Variants in CARM1 observed in about 807,000 individuals in gnomAD.
CARM1 encodes the protein histone-arginine methyltransferase CARM1.
In CARM1, 14 loss-of-function variants were observed where a neutral mutation model predicts 72.7. The observed-to-expected ratio is 0.19, with a 90% confidence interval of 0.13 to 0.30. The LOEUF (loss-of-function observed/expected upper bound fraction) is 0.30, where lower values mean the gene tolerates loss of function less well. Among genes scored for constraint, CARM1 ranks in the 10% least tolerant of loss-of-function variants. The pLI, the probability that CARM1 is intolerant of heterozygous loss-of-function variation, is 1.00. For missense variants in CARM1, 432 were observed against 833.7 expected (o/e 0.52, Z 5.93); for synonymous variants, 333 against 345.5 (o/e 0.96, Z 0.40).
At chr19:10,902,007 G>A (rs1035441017) in intron 1 of CARM1, among the ~76,000 whole-genome samples, 1 of 152,064 alleles carries the variant, frequency 6.6e-6, no homozygotes, top group Non-Finnish European at 1.5e-5. Flanking sequence ...ACTTTGGGAC[G>A]CCGAGGCAGA....
chr19:10,886,197 C>T (rs983021835), intron 1 of CARM1, among the ~76,000 whole-genome samples: 1 of 152,080 alleles, frequency 6.6e-6, no homozygotes, highest in South Asian at 2.1e-4. Flanking sequence ...GCTGGGATTA[C>T]GGGCATGCGC....
chr19:10,899,170 C>T (rs918562940), intron 1 of CARM1, among the ~76,000 whole-genome samples: 4 of 151,684 alleles, frequency 2.6e-5, no homozygotes, highest in Non-Finnish European at 5.9e-5. Flanking sequence ...TGTGATGAAG[C>T]GATCCACTTG....
chr19:10,894,548 T>C (rs770532280), intron 1 of CARM1, among the ~76,000 whole-genome samples: 4 of 152,140 alleles, frequency 2.6e-5, no homozygotes, highest in Non-Finnish European at 5.9e-5. Context: ...CAACGGCTTC[T>C]ACAGCTACCA....
intron 1 of CARM1, among the ~76,000 whole-genome samples, chr19:10,891,156 C>T (rs1472140706): frequency 6.6e-6 from 1 of 152,026 alleles, no homozygotes; most frequent in Non-Finnish European, 1.5e-5. Context: ...AGCCGGAGCA[C>T]TGTGGGGACA....
intron 1 of CARM1, among the ~76,000 whole-genome samples, chr19:10,872,184 T>G (rs1208273889): frequency 8.4e-6 from 1 of 119,010 alleles, no homozygotes; most frequent in Non-Finnish European, 1.7e-5. Context: ...GCCTGAGATT[T>G]GGGAGGGGTG....
chr19:10,882,719 T>C (rs994320446), intron 1 of CARM1, among the ~76,000 whole-genome samples: 1 of 151,964 alleles, frequency 6.6e-6, no homozygotes, highest in Non-Finnish European at 1.5e-5. Flanking sequence ...TTTTTGTGTT[T>C]TTAGTAGAGA....
At chr19:10,921,022 G>T in intron 13 of CARM1, 28 bp from the exon 14 acceptor site, 1 of 1,613,628 alleles carries the variant, frequency 6.2e-7, no homozygotes, top group East Asian at 2.2e-5. Context: ...TCTGCCTCCA[G>T]CCCTGACGTC....
At chr19:10,878,038 T>A (rs570656760) in intron 1 of CARM1, among the ~76,000 whole-genome samples, 1 of 152,152 alleles carries the variant, frequency 6.6e-6, no homozygotes, top group Non-Finnish European at 1.5e-5. Context: ...GACAGAGTCT[T>A]GCTGTGTTTC....
chr19:10,897,968 G>A (rs1328998406), intron 1 of CARM1, among the ~76,000 whole-genome samples: 3 of 152,104 alleles, frequency 2.0e-5, no homozygotes, highest in African/African-American at 2.4e-5. Context: ...TTAGCCGGGC[G>A]AGGTGGCGGG....
intron 2 of CARM1, among the ~76,000 whole-genome samples, chr19:10,906,405 T>C (rs958863565): frequency 6.6e-6 from 1 of 152,250 alleles, no homozygotes; most frequent in Non-Finnish European, 1.5e-5. Context: ...TTAACATTGT[T>C]GTGCAACTGT....
At chr19:10,919,741 C>A in intron 9 of CARM1, 61 bp downstream of exon 9, 1 of 1,545,564 alleles carries the variant, frequency 6.5e-7, no homozygotes, top group Non-Finnish European at 8.9e-7. Flanking sequence ...AGGGCCACCC[C>A]TGGCTCCCGC....
At chr19:10,904,828 G>T (rs2074090940) in intron 1 of CARM1, 123 bp from the exon 2 acceptor site, 25 of 1,357,766 alleles carry the variant, frequency 1.8e-5, no homozygotes, top group East Asian at 2.4e-5. Flanking sequence ...GGGTGGTTTT[G>T]TGGCACTCTG....
rs761420565 is a variant in CARM1 at position 10,919,675 on chromosome 19, G to GCACAGGTACTGGCACCCACACTC, written c.1104_1106+20dup. 4.3e-6 allele frequency: 7 copies of GCACAGGTACTGGCACCCACACTC among 1,613,006 alleles called. No individual in the cohort carries two copies. The highest frequency in any genetic ancestry group is 5.9e-6 in the Non-Finnish European group (7 of 1,178,946). On this transcript the variant is annotated frameshift_variant, in exon 9 of 16. Coordinates refer to ENST00000327064, the MANE Select transcript of CARM1 (RefSeq NM_199141.2). LOFTEE classifies it high-confidence loss of function. ...TCTTAGAAGCCAAAGAAGGAGATTT[G>GCACAGGTACTGGCACCCACACTC]CACAGGTACTGGCACCCACACTCCA...
intron 1 of CARM1, among the ~76,000 whole-genome samples, chr19:10,882,681 A>T (rs896926575): frequency 6.6e-6 from 1 of 151,774 alleles, no homozygotes; most frequent in African/African-American, 2.4e-5. Context: ...CTCTGGGACT[A>T]TAGGCATGTG....
chr19:10,874,517 C>T (rs919695997), intron 1 of CARM1, among the ~76,000 whole-genome samples: 1 of 152,036 alleles, frequency 6.6e-6, no homozygotes, highest in African/African-American at 2.4e-5. Flanking sequence ...CTCAGCCTCC[C>T]TAGTAGCTGG....
intron 2 of CARM1, 103 bp from the exon 3 acceptor site, chr19:10,907,936 A>G: frequency 1.4e-6 from 1 of 720,520 alleles, no homozygotes; most frequent in East Asian, 2.5e-5. Flanking sequence ...TGTATGTTCA[A>G]GGGAGAAACG....
rs869120010 is a variant in CARM1 at position 10,902,290 on chromosome 19, C to CTT, written c.221-2641_221-2640dup. Among the ~76,000 whole-genome samples the CTT allele has an allele frequency of 4.8e-3, 555 of 114,726 alleles. 3 individuals carry two copies. Among genetic ancestry groups the CTT allele is most frequent in the East Asian group, 0.01 (35 of 3,392 alleles). The allele number at this position is 114,726 out of a possible 152,430, so 75.3% of individuals were successfully genotyped here. On this transcript the variant is annotated intron_variant, in intron 1 of 15. Transcript: ENST00000327064. ...AATAGATACAAAATAATTGTTGTTT[C>CTT]TTTTTTTTTTTTTTTTTTTTTGAGA...
intron 1 of CARM1, among the ~76,000 whole-genome samples, chr19:10,897,929 C>T (rs1385279783): frequency 1.3e-5 from 2 of 151,784 alleles, no homozygotes; most frequent in Non-Finnish European, 2.9e-5. Context: ...CACGGTGAAA[C>T]CCCGTCTCTA....
chr19:10,919,319 A>T, intron 8 of CARM1: 1 of 412,156 alleles, frequency 2.4e-6, no homozygotes, highest in South Asian at 4.5e-5. Flanking sequence ...CTAATTATAC[A>T]TGTAAGTTTG....
Sources: allele counts gnomAD v4.1 joint callset (sites outside exome capture counted in the v4.1 genomes callset), GRCh38; gene constraint gnomAD v4.1.1; transcripts MANE v1.5; gene names NCBI Gene and HGNC (gene_info 2026-07-23, HGNC 2026-07-21).